The following NOL10 variants were observed in gnomAD, a reference collection of about 807,000 sequenced individuals.
NOL10 encodes the protein nucleolar protein 10, also known as H_NH0074G24.1.
A neutral mutation model predicts 103.5 loss-of-function variants in NOL10; 58 were observed. The observed-to-expected ratio is 0.56, with a 90% CI of 0.45 to 0.70. NOL10 has a LOEUF of 0.70. Ranked by LOEUF, NOL10 falls within the 30% of genes least tolerant of loss-of-function variation. The pLI is 0.00. For missense variants in NOL10, 763 were observed against 807.3 expected (o/e 0.95, Z 0.67); for synonymous variants, 287 against 282.5 (o/e 1.02, Z -0.16).
intron 3 of NOL10, among the ~76,000 whole-genome samples, chr2:10,678,083 C>A (rs1215925523): frequency 6.6e-6 from 1 of 152,042 alleles, no homozygotes; most frequent in Non-Finnish European, 1.5e-5. Context: ...CAGGGTCTCG[C>A]TGTTGCCCAG....
chr2:10,653,414 G>C (rs1224330193), intron 12 of NOL10, among the ~76,000 whole-genome samples: 1 of 152,072 alleles, frequency 6.6e-6, no homozygotes, highest in Non-Finnish European at 1.5e-5. Context: ...TCTCACCTGT[G>C]CTCCCCATCT....
In NOL10 at chr2:10,587,098, C is replaced by CATATAT. The variant is rs1450691017; in HGVS notation, c.1844+1944_1844+1945insATATAT. ...ATATACATATATATACATATATATA[C>CATATAT]ACATATATATACATATATATACATA... On this transcript the variant is annotated intron_variant, in intron 19 of 20. Transcript: ENST00000381685. 4.5e-4 allele frequency among the ~76,000 whole-genome samples: 20 copies of CATATAT among 44,080 alleles called. 2 individuals carry two copies. The highest frequency in any genetic ancestry group is 6.0e-4 in the East Asian group (1 of 1,666). The allele number at this position is 44,080 out of a possible 152,430, so 28.9% of individuals were successfully genotyped here. A position where few individuals can be genotyped will look rare whatever the true frequency, so the allele number is the denominator to read the frequency against.
chr2:10,684,266 A>G (rs185219400), intron 2 of NOL10, among the ~76,000 whole-genome samples: 89 of 139,804 alleles, frequency 6.4e-4, no homozygotes, highest in Non-Finnish European at 1.2e-3. Context: ...ATAAGAGTGA[A>G]ACTCCATCTC....
At chr2:10,606,607 CAAAA>C (rs35623656) in intron 14 of NOL10, among the ~76,000 whole-genome samples, 13 of 111,784 alleles carry the variant, frequency 1.2e-4, no homozygotes, top group Non-Finnish European at 1.3e-4. Context: ...GACTCTGTCT[CAAAA>C]AAAAAAAAAA....
chr2:10,643,299 T>G (rs570012031), intron 13 of NOL10, among the ~76,000 whole-genome samples: 1 of 152,138 alleles, frequency 6.6e-6, no homozygotes, highest in Non-Finnish European at 1.5e-5. Flanking sequence ...AGGACTATCA[T>G]AGACAGGAAT....
chr2:10,589,256 T>C lies in NOL10; in HGVS notation c.1631A>G (p.Asp544Gly). Residue 544 changes from aspartate to glycine, a missense_variant, in exon 19 of 21, where the codon GAT (aspartate) becomes GGT (glycine). Physicochemically the swap from Asp to Gly is moderately conservative, Grantham distance 94. Coordinates refer to ENST00000381685, the MANE Select transcript of NOL10 (RefSeq NM_024894.4). ...ATCTGAACTCTCCGAACTTTCTGCA[T>C]CACTTGGTTTTCCTTCCGGCTCTTC... ...EEEEPEGKPS[D>G]AESSESSDDE... 2 of 1,613,920 alleles carry C rather than the reference T, an allele frequency of 1.2e-6. No homozygotes were observed. The highest frequency in any genetic ancestry group is 2.2e-5 in the South Asian group (2 of 91,080).
rs12998328 is a variant in NOL10 at position 10,571,368 on chromosome 2, C to T, written c.*703G>A. 37,735 of 152,784 alleles carry T rather than the reference C, an allele frequency of 0.25. 6,514 individuals are homozygous for T. The highest frequency in any genetic ancestry group is 0.45 in the African/African-American group (18,687 of 41,450). 9.5% of individuals were successfully genotyped at this position (152,784 alleles called of 1,614,324 possible). ...GGCCTCCACAGCCATGCTTCCTGTA[C>T]CACCTGTAGAACTGTGAGTCAATTA... On this transcript the variant is annotated 3_prime_UTR_variant, in exon 21 of 21. Coordinates refer to ENST00000381685, the MANE Select transcript of NOL10 (RefSeq NM_024894.4).
intron 18 of NOL10, 39 bp downstream of exon 18, chr2:10,589,538 AG>A (rs1322154454): frequency 1.4e-6 from 2 of 1,445,464 alleles, no homozygotes; most frequent in Non-Finnish European, 1.9e-6. Flanking sequence ...ATTACATTAA[AG>A]AAACAGTAGC....
chr2:10,580,115 C>T (rs1674668804), intron 19 of NOL10, among the ~76,000 whole-genome samples: 2 of 152,208 alleles, frequency 1.3e-5, no homozygotes, highest in African/African-American at 4.8e-5. Flanking sequence ...ACTTCCCTCC[C>T]TTTGAAAGTC....
At chr2:10,629,824 G>C (rs928807485) in intron 13 of NOL10, among the ~76,000 whole-genome samples, 1 of 152,066 alleles carries the variant, frequency 6.6e-6, no homozygotes, top group South Asian at 2.1e-4. Flanking sequence ...GCTTTATTTT[G>C]CTCAACATGA....
At chr2:10,599,573 T>C (rs1187446100) in intron 17 of NOL10, among the ~76,000 whole-genome samples, 1 of 152,222 alleles carries the variant, frequency 6.6e-6, no homozygotes, top group East Asian at 1.9e-4. Flanking sequence ...GAGGAATTAT[T>C]TCAACATTGG....
At chr2:10,581,019 T>G (rs1381805698) in intron 19 of NOL10, among the ~76,000 whole-genome samples, 1 of 152,194 alleles carries the variant, frequency 6.6e-6, no homozygotes, top group African/African-American at 2.4e-5. Context: ...ATAACTACCT[T>G]TGACAAATAT....
chr2:10,657,296 C>T (rs927942962), intron 11 of NOL10, among the ~76,000 whole-genome samples: 10 of 150,508 alleles, frequency 6.6e-5, no homozygotes, highest in African/African-American at 2.2e-4. Context: ...CCAGCCTGGG[C>T]GACAGAGCAA....
intron 3 of NOL10, among the ~76,000 whole-genome samples, chr2:10,676,865 T>C (rs1681342943): frequency 6.6e-6 from 1 of 151,904 alleles, no homozygotes; most frequent in African/African-American, 2.4e-5. Context: ...CTCGAACTCC[T>C]GACCTCAGGT....
rs558669062 is a variant in NOL10, at chr2:10,680,113, A to G, written c.211+1858T>C. ...AACATGGTGAAACCCTGTCTCTACT[A>G]AAAAAATACAGACATTAGCCGGGTG... On this transcript the variant is annotated intron_variant, in intron 3 of 20. Transcript: ENST00000381685. Among the ~76,000 whole-genome samples the G allele has an allele frequency of 5.1e-4, 77 of 151,874 alleles. 1 individual carries two copies. Among genetic ancestry groups the G allele is most frequent in the African/African-American group, 1.8e-3 (74 of 41,468 alleles).
chr2:10,617,661 G>T (rs1324984704), intron 13 of NOL10, among the ~76,000 whole-genome samples: 1 of 152,164 alleles, frequency 6.6e-6, no homozygotes, highest in Admixed American at 6.5e-5. Flanking sequence ...ATCTTTAAGA[G>T]ACTAGCTACT....
At chr2:10,620,817 A>G (rs1234616738) in intron 13 of NOL10, among the ~76,000 whole-genome samples, 3 of 152,044 alleles carry the variant, frequency 2.0e-5, no homozygotes, top group African/African-American at 7.2e-5. Flanking sequence ...TGTTTTTGAG[A>G]TAGAGTTTTG....
intron 3 of NOL10, 40 bp from the exon 4 acceptor site, chr2:10,675,911 T>C (rs575921143): frequency 8.9e-7 from 1 of 1,119,518 alleles, no homozygotes; most frequent in Non-Finnish European, 1.3e-6. Context: ...AAAGACATAC[T>C]TTCATAGTCA....
chr2:10,683,324 C>T (rs1390198251), intron 2 of NOL10, among the ~76,000 whole-genome samples: 1 of 152,116 alleles, frequency 6.6e-6, no homozygotes, highest in African/African-American at 2.4e-5. Context: ...TTTCTTGCTG[C>T]CGTAAATTTA....
Sources: gnomAD v4.1 joint callset for allele counts (sites outside exome capture counted in the v4.1 genomes callset) on GRCh38, gnomAD v4.1.1 for gene constraint, MANE v1.5 for transcripts, NCBI Gene and HGNC (gene_info 2026-07-23, HGNC 2026-07-21) for gene names.